GBE1: variants seen among roughly 807,000 people sequenced by gnomAD.
GBE1 encodes 1,4-alpha-glucan branching enzyme 1.
Under a neutral mutation model 88.8 loss-of-function variants are expected in GBE1, and 70 were observed. The observed-to-expected ratio is 0.79, with a 90% CI of 0.65 to 0.96. The LOEUF is 0.96. GBE1 is among the 40% of genes least tolerant of loss of function. The probability of loss-of-function intolerance (pLI) is 0.00; values close to 1 mark genes in which losing one functional copy is unlikely to be tolerated. For missense variants in GBE1, 872 were observed against 871.0 expected (o/e 1.00, Z -0.01); for synonymous variants, 284 against 300.1 (o/e 0.95, Z 0.56).
chr3:81,677,189 C>A (rs1405945639), intron 2 of GBE1, among the ~76,000 whole-genome samples: 1 of 152,092 alleles, frequency 6.6e-6, no homozygotes, highest in African/African-American at 2.4e-5. Context: ...GTATGTAGGG[C>A]CTTCCATTTT....
intron 12 of GBE1, among the ~76,000 whole-genome samples, chr3:81,541,620 C>T (rs759372398): frequency 6.6e-6 from 1 of 151,948 alleles, no homozygotes; most frequent in Non-Finnish European, 1.5e-5. Context: ...GTTTCTTCTG[C>T]TGTGGAGGAT....
chr3:81,560,561 T>C (rs13319440), intron 12 of GBE1, among the ~76,000 whole-genome samples: 9,841 of 152,034 alleles, frequency 0.065, 536 homozygotes, highest in African/African-American at 0.14. Flanking sequence ...TGAAAAGGTA[T>C]GAATTACCTA....
At chr3:81,493,065 C>T (rs1002385749) in intron 15 of GBE1, among the ~76,000 whole-genome samples, 3 of 152,140 alleles carry the variant, frequency 2.0e-5, no homozygotes, top group African/African-American at 4.8e-5. Flanking sequence ...TTGGGGATCA[C>T]AGTAACTGGA....
intron 2 of GBE1, among the ~76,000 whole-genome samples, chr3:81,691,189 A>G (rs1030559726): frequency 4.6e-5 from 7 of 152,210 alleles, no homozygotes; most frequent in South Asian, 4.1e-4. Context: ...TCTCGATCTT[A>G]AATGAGAAAA....
intron 12 of GBE1, among the ~76,000 whole-genome samples, chr3:81,554,804 C>T (rs1411932146): frequency 6.6e-6 from 1 of 152,124 alleles, no homozygotes; most frequent in African/African-American, 2.4e-5. Context: ...CAGCCGGCTG[C>T]TACTTTTCTA....
At chr3:81,648,251 A>G (rs1704794591) in intron 5 of GBE1, among the ~76,000 whole-genome samples, 1 of 152,094 alleles carries the variant, frequency 6.6e-6, no homozygotes, top group Non-Finnish European at 1.5e-5. Flanking sequence ...TATTTTAAAT[A>G]TCATTACCTA....
intron 7 of GBE1, among the ~76,000 whole-genome samples, chr3:81,597,367 A>G (rs1450721177): frequency 1.3e-5 from 2 of 151,122 alleles, no homozygotes; most frequent in Non-Finnish European, 3.0e-5. Flanking sequence ...ACTGTCCAGA[A>G]GCCTAATTTC....
At chr3:81,617,533 A>G (rs1435087024) in intron 7 of GBE1, among the ~76,000 whole-genome samples, 1 of 151,928 alleles carries the variant, frequency 6.6e-6, no homozygotes, top group African/African-American at 2.4e-5. Flanking sequence ...TTGGGATTTT[A>G]AATACAAAAC....
intron 5 of GBE1, 42 bp from the exon 6 acceptor site, chr3:81,646,524 TA>T (rs759451512): frequency 7.4e-4 from 813 of 1,097,690 alleles, no homozygotes; most frequent in Admixed American, 8.8e-4. Context: ...AAGCCACATT[TA>T]AAAAAAAAGT....
intron 12 of GBE1, among the ~76,000 whole-genome samples, chr3:81,546,010 T>C (rs1703200775): frequency 6.6e-6 from 1 of 152,190 alleles, no homozygotes; most frequent in Non-Finnish European, 1.5e-5. Context: ...TGGCATACTG[T>C]TATAATAGTT....
intron 7 of GBE1, among the ~76,000 whole-genome samples, chr3:81,595,090 T>C (rs543394031): frequency 7.9e-4 from 120 of 151,348 alleles, no homozygotes; most frequent in Admixed American, 1.5e-3. Context: ...TTAACTGTTT[T>C]AAATAAGTTA....
intron 1 of GBE1, among the ~76,000 whole-genome samples, chr3:81,739,922 A>G (rs1339519263): frequency 2.0e-5 from 3 of 152,152 alleles, no homozygotes; most frequent in Non-Finnish European, 4.4e-5. Flanking sequence ...AGTCCATAAT[A>G]AACAATTAAA....
intron 1 of GBE1, among the ~76,000 whole-genome samples, chr3:81,715,748 G>T (rs1160699235): frequency 6.6e-6 from 1 of 151,716 alleles, no homozygotes; most frequent in Non-Finnish European, 1.5e-5. Context: ...TTTATAAAAA[G>T]GAATGATAAT....
chr3:81,586,014 A>T, intron 10 of GBE1, 78 bp downstream of exon 10: 1 of 800,610 alleles, frequency 1.2e-6, no homozygotes, highest in Non-Finnish European at 2.0e-6. Context: ...ACTAATGATT[A>T]CAACTAAGAA....
chr3:81,657,462 T>C lies in GBE1; in HGVS notation c.430-7541A>G, dbSNP rs143320849. Among the ~76,000 whole-genome samples, 35 of 152,260 alleles carry C rather than the reference T, an allele frequency of 2.3e-4. No homozygotes were observed. In the East Asian group the frequency reaches 6.6e-3, roughly 29 times the overall value. The stretch of plus-strand genomic sequence containing the variant: ...TGAAAATCAGAAACACTCTTCATCG[T>C]AACTGCTAGTTCATTGTGAACTTTG... On this transcript the variant is annotated intron_variant, in intron 3 of 15. Coordinates refer to ENST00000429644, the MANE Select transcript of GBE1 (RefSeq NM_000158.4).
intron 9 of GBE1, among the ~76,000 whole-genome samples, chr3:81,588,118 T>G (rs76151756): frequency 0.16 from 22,759 of 146,076 alleles, 1,844 homozygotes; most frequent in Non-Finnish European, 0.21. Context: ...TTTTTTTTTC[T>G]TATGGAAGGA....
chr3:81,660,549 G>T (rs535808687), intron 3 of GBE1, among the ~76,000 whole-genome samples: 9 of 152,174 alleles, frequency 5.9e-5, no homozygotes, highest in African/African-American at 2.2e-4. Context: ...AGTGAGGCAT[G>T]GGGAATATTC....
At chr3:81,638,439 A>G (rs1704622930) in intron 7 of GBE1, among the ~76,000 whole-genome samples, 1 of 152,180 alleles carries the variant, frequency 6.6e-6, no homozygotes. Context: ...AGTTATTTAA[A>G]TCCAACAAGT....
chr3:81,659,008 C>T (rs946642389), intron 3 of GBE1, among the ~76,000 whole-genome samples: 8 of 151,848 alleles, frequency 5.3e-5, no homozygotes, highest in Non-Finnish European at 1.2e-4. Flanking sequence ...ATTGAAAGAT[C>T]AATATCGTAA....
Sources: gnomAD v4.1 joint callset for allele counts (sites outside exome capture counted in the v4.1 genomes callset) on GRCh38, gnomAD v4.1.1 for gene constraint, MANE v1.5 for transcripts, NCBI Gene and HGNC (gene_info 2026-07-23, HGNC 2026-07-21) for gene names.